The following HHIPL1 variants were observed in gnomAD, a reference collection of about 807,000 sequenced individuals.
The protein encoded by HHIPL1 is HHIP-like protein 1.
Under a neutral mutation model 61.8 loss-of-function variants are expected in HHIPL1, and 43 were observed. That is an observed-to-expected ratio of 0.70 (90% CI 0.55 to 0.90). The LOEUF is 0.90. Among genes scored for constraint, HHIPL1 ranks in the 40% least tolerant of loss-of-function variants. The probability of loss-of-function intolerance (pLI) is 0.00; values close to 1 mark genes in which losing one functional copy is unlikely to be tolerated. For missense variants in HHIPL1, 1,056 were observed against 1,157.7 expected (o/e 0.91, Z 1.28); for synonymous variants, 482 against 515.8 (o/e 0.93, Z 0.89).
Position 99,659,548 on chromosome 14 carries a change from C to G in HHIPL1, c.1167C>G (p.Tyr389Ter). The G allele has an allele frequency of 6.5e-7, 1 of 1,548,038 alleles. No individual in the cohort carries two copies. The highest frequency in any genetic ancestry group is 8.7e-7 in the Non-Finnish European group (1 of 1,150,462). ...VGDPAAQPEV[Y>*]ALGVRNMWRC... is the part of the protein sequence containing the mutation. Reference sequence around the variant, plus strand: ...ACCCCGCGGCGCAGCCCGAGGTCTACGCCCTGGGCGTGCGCAACATGTGGC... The same window carrying G: ...ACCCCGCGGCGCAGCCCGAGGTCTAGGCCCTGGGCGTGCGCAACATGTGGC... Residue 389 changes from tyrosine (Y) to a stop codon, truncating the protein, a stop_gained, in exon 4 of 9, where the codon TAC becomes TAG. Transcript: ENST00000330710. LOFTEE classifies it high-confidence loss of function.
chr14:99,655,408 G>A (rs1196166368), intron 2 of HHIPL1, among the ~76,000 whole-genome samples: 2 of 152,142 alleles, frequency 1.3e-5, no homozygotes, highest in Admixed American at 6.5e-5. Flanking sequence ...GATCGCTTGA[G>A]GACAGGAGTT....
chr14:99,663,497 T>C (rs1019161737), intron 6 of HHIPL1, among the ~76,000 whole-genome samples: 1 of 152,184 alleles, frequency 6.6e-6, no homozygotes, highest in African/African-American at 2.4e-5. Flanking sequence ...AGAGGCCGTC[T>C]TGGTTGTGGT....
the HHIPL1 span, among the ~76,000 whole-genome samples, chr14:99,619,386 C>CG: frequency 6.6e-6 from 1 of 150,804 alleles, no homozygotes; most frequent in South Asian, 2.1e-4. Flanking sequence ...TGCTTGAACC[C>CG]GGGAGGCAGA....
the HHIPL1 span, among the ~76,000 whole-genome samples, chr14:99,620,419 T>A: frequency 6.6e-6 from 1 of 152,008 alleles, no homozygotes; most frequent in Non-Finnish European, 1.5e-5. Context: ...TTGCAGGGAG[T>A]GCCCTCCCCC....
the HHIPL1 span, among the ~76,000 whole-genome samples, chr14:99,615,456 G>A: frequency 1.3e-5 from 2 of 152,018 alleles, no homozygotes; most frequent in African/African-American, 4.8e-5. Context: ...AGGTGAGAGG[G>A]TTACTAGAGC....
upstream of HHIPL1, among the ~76,000 whole-genome samples, chr14:99,644,319 A>T (rs1483289467): frequency 6.6e-6 from 1 of 152,186 alleles, no homozygotes; most frequent in Non-Finnish European, 1.5e-5. Flanking sequence ...GCTGAGGTCC[A>T]CTTGAGAAAA....
Position 99,675,708 on chromosome 14 carries a change from G to A in HHIPL1, c.*82G>A, listed in dbSNP as rs926411138. ...TCCGCCCTGTGTGCGCCCAGCGGGTGCACACGTGTTCTAGAGTGAAGGGGG... is the reference window on the plus strand; with the variant it reads ...TCCGCCCTGTGTGCGCCCAGCGGGTACACACGTGTTCTAGAGTGAAGGGGG... On this transcript the variant is annotated 3_prime_UTR_variant, in exon 9 of 9. Transcript: ENST00000330710. The surrounding 1 kb of genome is among the most constrained non-coding windows in gnomAD (Gnocchi z 5.4). 79 of 1,358,850 alleles carry A rather than the reference G, an allele frequency of 5.8e-5. No individual in the cohort carries two copies. The African/African-American group carries it at 1.0e-3, about 18-fold the overall frequency. The allele number at this position is 1,358,850 out of a possible 1,614,324, so 84.2% of individuals were successfully genotyped here.
chr14:99,613,858 C>A, the HHIPL1 span, among the ~76,000 whole-genome samples: 1 of 152,002 alleles, frequency 6.6e-6, no homozygotes, highest in Non-Finnish European at 1.5e-5. Flanking sequence ...TTGCAGTGAG[C>A]CGAGATCATG....
the HHIPL1 span, among the ~76,000 whole-genome samples, chr14:99,627,522 G>C: frequency 6.6e-6 from 1 of 152,218 alleles, no homozygotes; most frequent in South Asian, 2.1e-4. The surrounding 1 kb of genome is among the most constrained non-coding windows in gnomAD (Gnocchi z 4.4). Context: ...CAGGTGCCAG[G>C]GTGCCAGGGA....
At chr14:99,633,464 T>G in the HHIPL1 span, among the ~76,000 whole-genome samples, 1 of 152,026 alleles carries the variant, frequency 6.6e-6, no homozygotes, top group East Asian at 1.9e-4. Context: ...TCACAGCCCA[T>G]GGAGTGTGGG....
chr14:99,674,263 GCCTGGCACTGCA>G lies in HHIPL1; in HGVS notation c.1814-823_1814-812del, dbSNP rs546611037. 5.2e-4 allele frequency among the ~76,000 whole-genome samples: 79 copies of G among 152,164 alleles called. 2 individuals are homozygous for G. In the South Asian group the frequency reaches 0.014, roughly 27 times the overall value. Reference sequence around the variant, plus strand: ...GCTGTGACGCATGGCAGTGCCCAGTGCCTGGCACTGCACCTGTGTGGAGTAGAGCTGGGCACA... The same window carrying G: ...GCTGTGACGCATGGCAGTGCCCAGTGCCTGTGTGGAGTAGAGCTGGGCACA... On this transcript the variant is annotated intron_variant, in intron 8 of 8. Coordinates refer to ENST00000330710, the MANE Select transcript of HHIPL1 (RefSeq NM_001127258.3).
intron 8 of HHIPL1, among the ~76,000 whole-genome samples, chr14:99,674,429 G>C (rs548117558): frequency 6.6e-6 from 1 of 152,224 alleles, no homozygotes; most frequent in African/African-American, 2.4e-5. Context: ...CTGTGGTGGG[G>C]TATAGGGGCT....
intron 8 of HHIPL1, among the ~76,000 whole-genome samples, chr14:99,674,249 T>C (rs2056360308): frequency 6.6e-6 from 1 of 151,998 alleles, no homozygotes; most frequent in Non-Finnish European, 1.5e-5. Context: ...CTGTGACGCA[T>C]GGCAGTGCCC....
rs976133068 is a variant in HHIPL1, at chr14:99,675,860, C to T, written c.*234C>T. The stretch of plus-strand genomic sequence containing the variant: ...CTGGAAGTGCATGGTCCATCATGGG[C>T]GGGAGGAGTTCCTTTCTTACCTCCA... On this transcript the variant is annotated 3_prime_UTR_variant, in exon 9 of 9. Transcript: ENST00000330710. This position sits in a 1 kb window ranked among gnomAD's most constrained non-coding sequence, Gnocchi z 5.4. 1 of 425,018 alleles carries T rather than the reference C, an allele frequency of 2.4e-6. No individual in the cohort carries two copies. The highest frequency in any genetic ancestry group is 7.5e-5 in the South Asian group (1 of 13,362). 26.3% of individuals were successfully genotyped at this position (425,018 alleles called of 1,614,324 possible).
the HHIPL1 span, among the ~76,000 whole-genome samples, chr14:99,616,994 C>T: frequency 1.3e-5 from 2 of 152,086 alleles, no homozygotes; most frequent in Non-Finnish European, 2.9e-5. Flanking sequence ...AGGGAGTGTG[C>T]GATCACCCAG....
chr14:99,606,019 T>A, the HHIPL1 span, among the ~76,000 whole-genome samples: 1 of 152,136 alleles, frequency 6.6e-6, no homozygotes, highest in East Asian at 1.9e-4. Context: ...TTTACCTTTT[T>A]AAGAGGCTCA....
At chr14:99,607,085 G>A in the HHIPL1 span, among the ~76,000 whole-genome samples, 1 of 139,094 alleles carries the variant, frequency 7.2e-6, no homozygotes, top group African/African-American at 2.7e-5. Flanking sequence ...CCAGGCTGGA[G>A]TGCAGTGGCA....
chr14:99,617,078 T>G, the HHIPL1 span, among the ~76,000 whole-genome samples: 3 of 151,784 alleles, frequency 2.0e-5, no homozygotes, highest in East Asian at 5.8e-4. Context: ...CACAACGGAG[T>G]AGATTACAGA....
the HHIPL1 span, among the ~76,000 whole-genome samples, chr14:99,613,268 GT>G: frequency 6.5e-3 from 952 of 145,692 alleles, 10 homozygotes; most frequent in Middle Eastern, 0.068. Flanking sequence ...TTGTTTTTTA[GT>G]TTTTTTTTTT....
Sources: allele counts gnomAD v4.1 joint callset (sites outside exome capture counted in the v4.1 genomes callset), GRCh38; gene constraint gnomAD v4.1.1; non-coding constraint Gnocchi (gnomAD v3.1); transcripts MANE v1.5; gene names NCBI Gene and HGNC (gene_info 2026-07-23, HGNC 2026-07-21).